Variants in ZNF444 observed in about 807,000 individuals in gnomAD.
The protein encoded by ZNF444 is zinc finger protein 444.
Under a neutral mutation model 14.4 loss-of-function variants are expected in ZNF444, and 8 were observed. That is an observed-to-expected ratio of 0.56 (90% confidence interval 0.33 to 1.00). The LOEUF is 1.00. Ranked by LOEUF, ZNF444 falls within the 50% of genes least tolerant of loss-of-function variation. The pLI, the probability that ZNF444 is intolerant of heterozygous loss-of-function variation, is 0.03. For missense variants in ZNF444, 510 were observed against 504.8 expected (o/e 1.01, Z -0.10); for synonymous variants, 258 against 235.9 (o/e 1.09, Z -0.86).
chr19:56,149,014 C>T (rs553316299), intron 3 of ZNF444, among the ~76,000 whole-genome samples: 43 of 151,864 alleles, frequency 2.8e-4, no homozygotes, highest in Admixed American at 2.3e-3. Flanking sequence ...GCACTCCGAC[C>T]TCTGCTTCCA....
chr19:56,159,855 G>A lies in ZNF444; in HGVS notation c.638G>A (p.Gly213Glu), dbSNP rs1243641820. The change falls in exon 5 of 5, where the codon GGG (glycine) becomes GAG (glutamate). Residue 213 changes from glycine to glutamate, a missense_variant. Coordinates refer to ENST00000337080, the MANE Select transcript of ZNF444 (RefSeq NM_018337.4). ...AAGCCGCACGCCTGCCCTGAGTGCGGGAAGGCCTTTCGGCGCAAGGAGCAC... is the reference window on the plus strand; with the variant it reads ...AAGCCGCACGCCTGCCCTGAGTGCGAGAAGGCCTTTCGGCGCAAGGAGCAC... ...GEKPHACPECGKAFRRKEHLR... is the reference protein window; with the variant it reads ...GEKPHACPECEKAFRRKEHLR... 7.1e-6 allele frequency: 11 copies of A among 1,549,242 alleles called. No homozygotes were observed. The highest frequency in any genetic ancestry group is 9.5e-6 in the Non-Finnish European group (11 of 1,153,764).
At position 56,147,675 on chromosome 19, in the gene ZNF444, C is replaced by T. The variant is rs1421030525; in HGVS notation, c.297+467C>T. 6.6e-6 allele frequency among the ~76,000 whole-genome samples: 1 copy of T among 152,106 alleles called. No individual in the cohort carries two copies. The highest frequency in any genetic ancestry group is 1.9e-4 in the East Asian group (1 of 5,186). Reference sequence around the variant, plus strand: ...CTGTGTGGCTGACCTCAGCCTCCCGCCCCCTGAAAGTCAAGGATACCCCCT... The same window carrying T: ...CTGTGTGGCTGACCTCAGCCTCCCGTCCCCTGAAAGTCAAGGATACCCCCT... On this transcript the variant is annotated intron_variant, in intron 3 of 4. Coordinates refer to ENST00000337080, the MANE Select transcript of ZNF444 (RefSeq NM_018337.4). The surrounding 1 kb of genome is among the most constrained non-coding windows in gnomAD (Gnocchi z 5.9).
rs141788481 is a variant in ZNF444 at position 56,150,099 on chromosome 19, C to T, written c.297+2891C>T. On this transcript the variant is annotated intron_variant, in intron 3 of 4. Transcript: ENST00000337080. ...GAACCAACGTGGAATCTGTGAGCCTCGGGGTTTCGCCCTTTCCAGTTTCCA... is the reference window on the plus strand; with the variant it reads ...GAACCAACGTGGAATCTGTGAGCCTTGGGGTTTCGCCCTTTCCAGTTTCCA... 955 of 165,502 alleles carry T rather than the reference C, an allele frequency of 5.8e-3. 13 individuals are homozygous for T. Among genetic ancestry groups the T allele is most frequent in the African/African-American group, 0.022 (898 of 41,648 alleles). The allele number at this position is 165,502 out of a possible 1,614,324, so 10.3% of individuals were successfully genotyped here.
intron 1 of ZNF444, among the ~76,000 whole-genome samples, chr19:56,134,439 C>CTCAGCA (rs1470020740): frequency 6.6e-6 from 1 of 152,128 alleles, no homozygotes; most frequent in Non-Finnish European, 1.5e-5. Context: ...GTCTCTGTTG[C>CTCAGCA]TGAGTCGCTC....
chr19:56,160,318 C>T lies in ZNF444; in HGVS notation c.*117C>T, dbSNP rs1164546599. On this transcript the variant is annotated 3_prime_UTR_variant, in exon 5 of 5. Coordinates refer to ENST00000337080, the MANE Select transcript of ZNF444 (RefSeq NM_018337.4). ...CCTTCCCTCCCATCGTCCTCCTCCA[C>T]CTGCGCCTCCCTTGTCTGAACTTCC... The T allele has an allele frequency of 5.1e-6, 4 of 785,574 alleles. No homozygotes were observed. The East Asian group carries it at 1.0e-4, about 20-fold the overall frequency. 48.7% of individuals were successfully genotyped at this position (785,574 alleles called of 1,614,324 possible).
At chr19:56,149,843 C>A (rs1205359852) in intron 3 of ZNF444, 1 of 152,678 alleles carries the variant, frequency 6.5e-6, no homozygotes, top group Non-Finnish European at 1.5e-5. Context: ...CATAGTATTC[C>A]ATGGTGTACT....
intron 3 of ZNF444, chr19:56,157,410 C>CT (rs200325891): frequency 1.2e-3 from 182 of 147,972 alleles, no homozygotes; most frequent in African/African-American, 3.8e-3. Flanking sequence ...TGCCGCTTTG[C>CT]TTTTTTTTTT....
At chr19:56,143,650 G>A (rs2030979290) in intron 1 of ZNF444, 1 of 152,226 alleles carries the variant, frequency 6.6e-6, no homozygotes, top group African/African-American at 2.4e-5. Context: ...AACCTCATGG[G>A]ATTGATCAGC....
Position 56,158,479 on chromosome 19 carries a change from G to C in ZNF444, c.298-15G>C. The C allele has an allele frequency of 6.3e-7, 1 of 1,597,116 alleles. No individual in the cohort carries two copies. The highest frequency in any genetic ancestry group is 2.3e-5 in the East Asian group (1 of 44,220). ...TGCTCAGGTTTCTGAGTTCAAAACTGTGCTCTCATTTCAGGGGCCAGCAGC... is the reference window on the plus strand; with the variant it reads ...TGCTCAGGTTTCTGAGTTCAAAACTCTGCTCTCATTTCAGGGGCCAGCAGC... On this transcript the variant is annotated splice_polypyrimidine_tract_variant and intron_variant, in intron 3 of 4. Transcript: ENST00000337080.
In ZNF444 at chr19:56,146,940, A is replaced by G; in HGVS notation, c.29A>G (p.Glu10Gly). MEVAVPVKQ[E>G]AEGLALDSPW... ...GAGGTGGCGGTGCCCGTGAAGCAGG[A>G]GGCCGAGGGCCTGGCGCTGGACTCC... Residue 10 changes from glutamate (E) to glycine (G), a missense_variant, in exon 3 of 5, where the codon GAG becomes GGG. Coordinates refer to ENST00000337080, the MANE Select transcript of ZNF444 (RefSeq NM_018337.4). 6.9e-7 allele frequency: 1 copy of G among 1,443,526 alleles called. No individual in the cohort carries two copies. The highest frequency in any genetic ancestry group is 9.0e-7 in the Non-Finnish European group (1 of 1,108,200). The allele number at this position is 1,443,526 out of a possible 1,614,324, so 89.4% of individuals were successfully genotyped here.
chr19:56,140,683 G>A (rs1741451899), upstream of ZNF444, among the ~76,000 whole-genome samples: 2 of 151,418 alleles, frequency 1.3e-5, no homozygotes, highest in South Asian at 2.1e-4. Flanking sequence ...GGAGAGGGAG[G>A]ACAAAAAAAA....
intron 1 of ZNF444, among the ~76,000 whole-genome samples, chr19:56,134,725 C>T (rs747966473): frequency 3.6e-4 from 55 of 151,910 alleles, no homozygotes; most frequent in Non-Finnish European, 5.7e-4. Flanking sequence ...CTGTCCTAAA[C>T]GCTGGTGTGC....
chr19:56,158,585 G>A lies in ZNF444; in HGVS notation c.389G>A (p.Ser130Asn), dbSNP rs61736531. The A allele has an allele frequency of 9.9e-6, 16 of 1,610,810 alleles. No individual in the cohort carries two copies. The African/African-American group carries it at 1.9e-4, about 19-fold the overall frequency. ...GPGATGGKED[S>N]GMIPLAGTAP... ...GGGGCCACAGGTGGAAAGGAGGACAGTGGGATGATTCCCTTAGGTGAGCTG... is the reference window on the plus strand; with the variant it reads ...GGGGCCACAGGTGGAAAGGAGGACAATGGGATGATTCCCTTAGGTGAGCTG... The change falls in exon 4 of 5, where the codon AGT (serine) becomes AAT (asparagine). Residue 130 changes from serine to asparagine, a missense_variant. Ser to Asn is a conservative substitution (Grantham distance 46, BLOSUM62 1). Coordinates refer to ENST00000337080, the MANE Select transcript of ZNF444 (RefSeq NM_018337.4).
At chr19:56,159,542 C>T (rs2032136418) in intron 4 of ZNF444, 82 bp from the exon 5 acceptor site, 10 of 1,260,816 alleles carry the variant, frequency 7.9e-6, no homozygotes, top group Non-Finnish European at 9.4e-6. Context: ...TTAAGCGTTC[C>T]CTCCCTGCCT....
Position 56,158,602 on chromosome 19 carries a change from G to T in ZNF444, c.406G>T (p.Ala136Ser), listed in dbSNP as rs2032053614. Reference sequence around the variant, plus strand: ...GGAGGACAGTGGGATGATTCCCTTAGGTGAGCTGCTGGCCTCTCTGGTTCT... The same window carrying T: ...GGAGGACAGTGGGATGATTCCCTTATGTGAGCTGCTGGCCTCTCTGGTTCT... ...GKEDSGMIPL[A>S]GTAPGAEGPA... Residue 136 changes from alanine to serine, a missense_variant and splice_region_variant, in exon 4 of 5, where the codon GCA (alanine) becomes TCA (serine). Coordinates refer to ENST00000337080, the MANE Select transcript of ZNF444 (RefSeq NM_018337.4). 1 of 1,606,358 alleles carries T rather than the reference G, an allele frequency of 6.2e-7. No homozygotes were observed. The highest frequency in any genetic ancestry group is 1.1e-5 in the South Asian group (1 of 90,082).
At position 56,160,003 on chromosome 19, in the gene ZNF444, C is replaced by T. The variant is rs1217428605; in HGVS notation, c.786C>T (p.Arg262=). 4 of 1,512,580 alleles carry T rather than the reference C, an allele frequency of 2.6e-6. No individual in the cohort carries two copies. Among genetic ancestry groups the T allele is most frequent in the Non-Finnish European group, 1.8e-6 (2 of 1,135,712 alleles). The allele number at this position is 1,512,580 out of a possible 1,614,324, so 93.7% of individuals were successfully genotyped here. ...CCECGKTFYW[R]EHLVRHRKTH... ...AGTGTGGCAAGACCTTCTACTGGCG[C>T]GAGCACCTGGTGCGCCACCGCAAGA... The change falls in exon 5 of 5, where the codon CGC becomes CGT. Residue 262 remains arginine (R), a synonymous_variant. Coordinates refer to ENST00000337080, the MANE Select transcript of ZNF444 (RefSeq NM_018337.4).
intron 4 of ZNF444, among the ~76,000 whole-genome samples, chr19:56,158,906 C>T (rs550718641): frequency 3.5e-4 from 53 of 152,046 alleles, no homozygotes; most frequent in African/African-American, 1.3e-3. Context: ...TCCCAGGCAT[C>T]CATCCATCCT....
Position 56,148,439 on chromosome 19 carries a change from G to C in ZNF444, c.297+1231G>C, listed in dbSNP as rs567923992. 2.6e-5 allele frequency among the ~76,000 whole-genome samples: 4 copies of C among 152,288 alleles called. No individual in the cohort carries two copies. In the South Asian group the frequency reaches 8.3e-4, roughly 32 times the overall value. On this transcript the variant is annotated intron_variant, in intron 3 of 4. Coordinates refer to ENST00000337080, the MANE Select transcript of ZNF444 (RefSeq NM_018337.4). ...GTGCTGAGATGTAGCAGCAGAGAGG[G>C]GGCATCTCGGTGAGGCAAAGCGAGC...
chr19:56,141,193 T>C (rs2030768851), upstream of ZNF444: 1 of 150,880 alleles, frequency 6.6e-6, no homozygotes, highest in Admixed American at 6.6e-5. Flanking sequence ...AGGCCGGGGC[T>C]TCATGGGGAG....
Sources: allele counts gnomAD v4.1 joint callset (sites outside exome capture counted in the v4.1 genomes callset), GRCh38; gene constraint gnomAD v4.1.1; non-coding constraint Gnocchi (gnomAD v3.1); transcripts MANE v1.5; gene names NCBI Gene and HGNC (gene_info 2026-07-23, HGNC 2026-07-21).